The following AMBRA1 variants were observed in gnomAD, a reference collection of about 807,000 sequenced individuals.
The protein encoded by AMBRA1 is autophagy and beclin 1 regulator 1.
AMBRA1 carries 47 observed loss-of-function variants against 125.4 expected under a neutral mutation model. The observed-to-expected ratio is 0.37, with a 90% confidence interval of 0.30 to 0.48. The LOEUF is 0.48. Among genes scored for constraint, AMBRA1 ranks in the 20% least tolerant of loss-of-function variants. The pLI is 0.99. For synonymous variants in AMBRA1, 626 were observed against 655.5 expected, an observed-to-expected ratio of 0.95 and a Z score of 0.69; for missense variants, 1,331 against 1,693.4, an observed-to-expected ratio of 0.79 and a Z score of 3.76.
intron 11 of AMBRA1, among the ~76,000 whole-genome samples, chr11:46,466,911 T>G (rs187884272): frequency 3.6e-4 from 37 of 103,528 alleles, no homozygotes; most frequent in Non-Finnish European, 5.9e-4. Context: ...TCTTTTTTTC[T>G]TTTCTTTTTT....
chr11:46,578,373 G>A (rs960527841), intron 1 of AMBRA1, among the ~76,000 whole-genome samples: 1 of 151,852 alleles, frequency 6.6e-6, no homozygotes, highest in African/African-American at 2.4e-5. Flanking sequence ...TGTAATCCCA[G>A]CTACTTGGGA....
chr11:46,476,408 G>C (rs1231527541), intron 11 of AMBRA1, among the ~76,000 whole-genome samples: 1 of 152,178 alleles, frequency 6.6e-6, no homozygotes, highest in African/African-American at 2.4e-5. Context: ...CTTGTGGTTA[G>C]ATAATAGTGG....
intron 5 of AMBRA1, among the ~76,000 whole-genome samples, 178 bp from the exon 6 acceptor site, chr11:46,544,219 T>G (rs957748177): frequency 1.3e-5 from 2 of 152,226 alleles, no homozygotes; most frequent in Non-Finnish European, 1.5e-5. Flanking sequence ...ACTCAATACT[T>G]CTTGCCAGAG....
chr11:46,559,167 G>T (rs1348884388), intron 1 of AMBRA1, among the ~76,000 whole-genome samples: 2 of 152,074 alleles, frequency 1.3e-5, no homozygotes, highest in Non-Finnish European at 2.9e-5. Context: ...GGGCGTGGTG[G>T]CACGCCCCTG....
At chr11:46,565,477 T>C (rs2043489133) in intron 1 of AMBRA1, among the ~76,000 whole-genome samples, 1 of 151,046 alleles carries the variant, frequency 6.6e-6, no homozygotes, top group Non-Finnish European at 1.5e-5. Context: ...GAAGGTGAGG[T>C]GGGCAGATTG....
chr11:46,397,331 T>C lies in AMBRA1; in HGVS notation c.*119A>G, dbSNP rs1326605658. 3 of 1,338,368 alleles carry C rather than the reference T, an allele frequency of 2.2e-6. No individual in the cohort carries two copies. Among genetic ancestry groups the C allele is most frequent in the East Asian group, 2.6e-5 (1 of 39,036 alleles). The allele number at this position is 1,338,368 out of a possible 1,614,324, so 82.9% of individuals were successfully genotyped here. On this transcript the variant is annotated 3_prime_UTR_variant, in exon 18 of 18. Coordinates refer to ENST00000683756, the MANE Select transcript of AMBRA1 (RefSeq NM_001387011.1). ...GATCTTCCTCTCCACCCTGACCCTC[T>C]TCCTCCTCCTGTTCCCTGATGCAGC... is the stretch of plus-strand genomic sequence containing the variant.
chr11:46,552,405 A>C (rs1327765626), intron 1 of AMBRA1, among the ~76,000 whole-genome samples: 1 of 125,836 alleles, frequency 7.9e-6, no homozygotes, highest in South Asian at 2.7e-4. Flanking sequence ...AAAAAAAAAA[A>C]GGCCAGGCAC....
At position 46,505,090 on chromosome 11, in the gene AMBRA1, G is replaced by C. The variant is rs540826964; in HGVS notation, c.2339+3101C>G. 1.5e-4 allele frequency among the ~76,000 whole-genome samples: 23 copies of C among 152,220 alleles called. No homozygotes were observed. The South Asian group carries it at 4.6e-3, about 30-fold the overall frequency. On this transcript the variant is annotated intron_variant, in intron 9 of 17. Coordinates refer to ENST00000683756, the MANE Select transcript of AMBRA1 (RefSeq NM_001387011.1). ...GAGAAGGTGAGGATACCAAACAAAG[G>C]AACAACTGTCTTAATGGTAACCTAA...
intron 1 of AMBRA1, among the ~76,000 whole-genome samples, chr11:46,574,762 G>T (rs2043893577): frequency 6.6e-6 from 1 of 152,156 alleles, no homozygotes; most frequent in African/African-American, 2.4e-5. Context: ...AAAAATACTG[G>T]TTTAAAACTG....
chr11:46,569,794 T>C (rs1027116357), intron 1 of AMBRA1, among the ~76,000 whole-genome samples: 3 of 151,114 alleles, frequency 2.0e-5, no homozygotes, highest in African/African-American at 7.3e-5. Context: ...AAATCCCATC[T>C]CTACTAAAAA....
intron 14 of AMBRA1, among the ~76,000 whole-genome samples, chr11:46,425,973 C>T (rs1322898146): frequency 6.6e-6 from 1 of 150,938 alleles, no homozygotes; most frequent in Non-Finnish European, 1.5e-5. Context: ...GGTGAAACCC[C>T]GTCTCTACTA....
At chr11:46,452,009 G>A (rs926415299) in intron 11 of AMBRA1, 3 of 152,338 alleles carry the variant, frequency 2.0e-5, no homozygotes, top group African/African-American at 4.8e-5. Flanking sequence ...AGGTGATAAA[G>A]ATGATATGAA....
rs372329991 is a variant in AMBRA1 at position 46,527,861 on chromosome 11, T to C, written c.2072+14084A>G. Among the ~76,000 whole-genome samples the C allele has an allele frequency of 7.9e-5, 12 of 151,660 alleles. No individual in the cohort carries two copies. The East Asian group carries it at 2.3e-3, about 29-fold the overall frequency. ...GAACCCTCATGCACTGTTGGTAGGA[T>C]TGTAAAATGGTTCAGCTGCTATGGA... On this transcript the variant is annotated intron_variant, in intron 7 of 17. Coordinates refer to ENST00000683756, the MANE Select transcript of AMBRA1 (RefSeq NM_001387011.1).
intron 1 of AMBRA1, among the ~76,000 whole-genome samples, chr11:46,561,088 G>C (rs1469586336): frequency 6.6e-6 from 1 of 152,072 alleles, no homozygotes; most frequent in East Asian, 1.9e-4. Context: ...GCTACAGCAA[G>C]AATATTGTTG....
At chr11:46,544,329 C>T (rs1361237105) in intron 5 of AMBRA1, among the ~76,000 whole-genome samples, 2 of 152,204 alleles carry the variant, frequency 1.3e-5, no homozygotes, top group African/African-American at 4.8e-5. Flanking sequence ...TGCTCAAATA[C>T]AAGAGTTCAT....
rs1404072975 is a variant in AMBRA1, at chr11:46,562,069, T to G, written c.-120-13569A>C. The stretch of plus-strand genomic sequence containing the variant: ...ATATAATTAAATATTAACAATACTT[T>G]CAAGTACTGAAAAAGGCTAGAAAGA... On this transcript the variant is annotated intron_variant, in intron 1 of 17. Coordinates refer to ENST00000683756, the MANE Select transcript of AMBRA1 (RefSeq NM_001387011.1). 2.0e-5 allele frequency among the ~76,000 whole-genome samples: 3 copies of G among 152,296 alleles called. No homozygotes were observed. In the South Asian group the frequency reaches 6.2e-4, roughly 32 times the overall value.
intron 1 of AMBRA1, among the ~76,000 whole-genome samples, chr11:46,587,693 A>G (rs1472035606): frequency 6.6e-6 from 1 of 152,172 alleles, no homozygotes; most frequent in African/African-American, 2.4e-5. Flanking sequence ...TATTTCCTTC[A>G]GAATACTTGT....
At chr11:46,492,675 A>T (rs568595408) in intron 11 of AMBRA1, among the ~76,000 whole-genome samples, 29 of 152,332 alleles carry the variant, frequency 1.9e-4, no homozygotes, top group Non-Finnish European at 3.8e-4. Context: ...GACCAGAAGC[A>T]ATAGCACACA....
At chr11:46,404,122 G>A (rs746494278) in intron 17 of AMBRA1, among the ~76,000 whole-genome samples, 1 of 152,228 alleles carries the variant, frequency 6.6e-6, no homozygotes, top group African/African-American at 2.4e-5. Flanking sequence ...CCAGGAGGTC[G>A]AGGCTGCAGT....
Sources: gnomAD v4.1 joint callset for allele counts (sites outside exome capture counted in the v4.1 genomes callset) on GRCh38, gnomAD v4.1.1 for gene constraint, MANE v1.5 for transcripts, NCBI Gene and HGNC (gene_info 2026-07-23, HGNC 2026-07-21) for gene names.